Variants in TRHR observed in about 807,000 individuals in gnomAD.
TRHR encodes the protein thyrotropin-releasing hormone receptor.
TRHR carries 14 observed loss-of-function variants against 28.0 expected under a neutral mutation model. That is an observed-to-expected ratio of 0.50 (90% CI 0.33 to 0.78). TRHR has a LOEUF of 0.78. TRHR is among the 30% of genes least tolerant of loss of function. The pLI is 0.02. For synonymous variants in TRHR, 176 were observed against 171.9 expected, an observed-to-expected ratio of 1.02 and a Z score of -0.18; for missense variants, 438 against 469.5, an observed-to-expected ratio of 0.93 and a Z score of 0.62.
At chr8:109,104,104 T>C (rs1203486693) in intron 2 of TRHR, among the ~76,000 whole-genome samples, 1 of 152,162 alleles carries the variant, frequency 6.6e-6, no homozygotes, top group African/African-American at 2.4e-5. Context: ...GATTCCTAAA[T>C]ATAAGCCCAC....
intron 2 of TRHR, among the ~76,000 whole-genome samples, chr8:109,098,232 C>T (rs988887260): frequency 1.3e-5 from 2 of 151,758 alleles, no homozygotes; most frequent in Admixed American, 1.3e-4. Context: ...TGGGCTCAAG[C>T]AATCCTCCCA....
At chr8:109,097,759 C>T (rs1811616462) in intron 2 of TRHR, among the ~76,000 whole-genome samples, 1 of 152,178 alleles carries the variant, frequency 6.6e-6, no homozygotes, top group Non-Finnish European at 1.5e-5. Context: ...CCACCAACAC[C>T]TGCCTTCTCA....
At chr8:109,100,910 T>A (rs530210012) in intron 2 of TRHR, among the ~76,000 whole-genome samples, 1 of 152,162 alleles carries the variant, frequency 6.6e-6, no homozygotes, top group South Asian at 2.1e-4. Context: ...AATCTAGAAA[T>A]AACACAATCA....
At chr8:109,097,991 C>T (rs948498551) in intron 2 of TRHR, among the ~76,000 whole-genome samples, 1 of 152,112 alleles carries the variant, frequency 6.6e-6, no homozygotes, top group African/African-American at 2.4e-5. Flanking sequence ...TCTGAAATTC[C>T]TCCCACATCC....
At chr8:109,116,320 A>G (rs996316106) in intron 2 of TRHR, among the ~76,000 whole-genome samples, 4 of 152,156 alleles carry the variant, frequency 2.6e-5, no homozygotes, top group Non-Finnish European at 4.4e-5. Flanking sequence ...GCCTCATAAA[A>G]TGGATTAGGG....
chr8:109,087,913 A>T lies in TRHR; in HGVS notation c.401A>T (p.Gln134Leu). The T allele has an allele frequency of 6.2e-7, 1 of 1,614,168 alleles. No homozygotes were observed. Among genetic ancestry groups the T allele is most frequent in the South Asian group, 1.1e-5 (1 of 91,070 alleles). ...YIAICHPIKAQFLCTFSRAKK... is the reference protein window; with the variant it reads ...YIAICHPIKALFLCTFSRAKK... ...GCAATCTGTCACCCCATCAAAGCCC[A>T]GTTTCTCTGCACATTTTCCAGAGCC... The change falls in exon 2 of 3, where the codon CAG becomes CTG. Residue 134 changes from glutamine (Q) to leucine (L), a missense_variant. Physicochemically the swap from Gln to Leu is moderately radical, Grantham distance 113. Transcript: ENST00000518632.
In TRHR at chr8:109,119,104, C is replaced by T. The variant is rs1221413236; in HGVS notation, c.846C>T (p.Tyr282=). The change falls in exon 3 of 3, where the codon TAC becomes TAT. Residue 282 remains tyrosine (Y), a synonymous_variant. Coordinates refer to ENST00000518632, the MANE Select transcript of TRHR (RefSeq NM_003301.7). Reference sequence around the variant, plus strand: ...TGTTTGCCCTTTTATGGATGCCCTACAGGACTCTAGTGGTTGTCAACTCAT... The same window carrying T: ...TGTTTGCCCTTTTATGGATGCCCTATAGGACTCTAGTGGTTGTCAACTCAT... ...VILFALLWMP[Y]RTLVVVNSFL... The T allele has an allele frequency of 6.2e-6, 10 of 1,612,750 alleles. No individual in the cohort carries two copies. The highest frequency in any genetic ancestry group is 1.3e-5 in the African/African-American group (1 of 74,742).
At position 109,111,778 on chromosome 8, in the gene TRHR, GT is replaced by G. The variant is rs547330163; in HGVS notation, c.790-7264del. Among the ~76,000 whole-genome samples the G allele has an allele frequency of 2.5e-3, 386 of 152,200 alleles. 1 individual carries two copies. Among genetic ancestry groups the G allele is most frequent in the African/African-American group, 9.0e-3 (372 of 41,526 alleles). On this transcript the variant is annotated intron_variant, in intron 2 of 2. Transcript: ENST00000518632. ...TTTGTGCAGTACAGATGAAGTGAAG[GT>G]TTTTTGTTGATTTACTTTGTGAATG...
rs1351716678 is a variant in TRHR, at chr8:109,109,018, T to C, written c.790-10030T>C. 2.6e-5 allele frequency among the ~76,000 whole-genome samples: 4 copies of C among 152,198 alleles called. No homozygotes were observed. The East Asian group carries it at 5.8e-4, about 22-fold the overall frequency. ...CAAATCTTACCTAGCACACAGCTGT[T>C]TTCCATTCTTCGAAGCAGAACACTG... On this transcript the variant is annotated intron_variant, in intron 2 of 2. Coordinates refer to ENST00000518632, the MANE Select transcript of TRHR (RefSeq NM_003301.7).
chr8:109,101,828 C>T (rs1811681144), intron 2 of TRHR, among the ~76,000 whole-genome samples: 2 of 151,964 alleles, frequency 1.3e-5, no homozygotes, highest in Admixed American at 1.3e-4. Flanking sequence ...TTGAAGACAC[C>T]AGAGTAGATG....
chr8:109,092,515 C>A (rs896744505), intron 2 of TRHR, among the ~76,000 whole-genome samples: 1 of 152,016 alleles, frequency 6.6e-6, no homozygotes, highest in Non-Finnish European at 1.5e-5. Context: ...CAGCTCACTG[C>A]AACCTCTGCC....
chr8:109,093,428 A>T (rs1811543690), intron 2 of TRHR, among the ~76,000 whole-genome samples: 1 of 90,206 alleles, frequency 1.1e-5, no homozygotes, highest in Non-Finnish European at 2.1e-5. Context: ...TTTTTTTGAG[A>T]CAGAGTCTCA....
intron 2 of TRHR, among the ~76,000 whole-genome samples, chr8:109,089,065 G>A (rs745539962): frequency 6.6e-6 from 1 of 152,040 alleles, no homozygotes; most frequent in Non-Finnish European, 1.5e-5. Context: ...TTGAATAGTG[G>A]TTTTACTAGT....
chr8:109,089,217 A>G (rs1283846731), intron 2 of TRHR, among the ~76,000 whole-genome samples: 1 of 151,956 alleles, frequency 6.6e-6, no homozygotes, highest in Non-Finnish European at 1.5e-5. Flanking sequence ...CTTCTTTGTT[A>G]AACATAATGA....
chr8:109,105,563 C>T (rs1811738082), intron 2 of TRHR, among the ~76,000 whole-genome samples: 1 of 152,000 alleles, frequency 6.6e-6, no homozygotes, highest in South Asian at 2.1e-4. Flanking sequence ...AATGGGAAAA[C>T]ATGGAATAAA....
chr8:109,119,155 T>C lies in TRHR; in HGVS notation c.897T>C (p.Asn299=). Residue 299 remains asparagine, a synonymous_variant, in exon 3 of 3, where the codon AAT becomes AAC. Transcript: ENST00000518632. Reference sequence around the variant, plus strand: ...TTCTCTCCAGTCCTTTCCAAGAAAATTGGTTTTTGCTCTTTTGCAGAATTT... The same window carrying C: ...TTCTCTCCAGTCCTTTCCAAGAAAACTGGTTTTTGCTCTTTTGCAGAATTT... ...NSFLSSPFQE[N]WFLLFCRICI... 1 of 1,612,844 alleles carries C rather than the reference T, an allele frequency of 6.2e-7. No homozygotes were observed. The highest frequency in any genetic ancestry group is 1.3e-5 in the African/African-American group (1 of 74,872).
intron 2 of TRHR, among the ~76,000 whole-genome samples, chr8:109,092,763 A>G (rs1016365929): frequency 1.3e-5 from 2 of 152,072 alleles, no homozygotes; most frequent in African/African-American, 4.8e-5. Flanking sequence ...AAAGTAATGC[A>G]CGCCTTTTGC....
chr8:109,112,779 A>G (rs932293434), intron 2 of TRHR, among the ~76,000 whole-genome samples: 2 of 152,200 alleles, frequency 1.3e-5, no homozygotes, highest in Non-Finnish European at 2.9e-5. Context: ...AGCTAGACTC[A>G]GAAAACCTTG....
At chr8:109,116,825 T>C (rs984536395) in intron 2 of TRHR, among the ~76,000 whole-genome samples, 23 of 151,984 alleles carry the variant, frequency 1.5e-4, no homozygotes, top group African/African-American at 5.6e-4. Context: ...TGAAGAAATT[T>C]TCCCATACCC....
Sources: gnomAD v4.1 joint callset for allele counts (sites outside exome capture counted in the v4.1 genomes callset) on GRCh38, gnomAD v4.1.1 for gene constraint, MANE v1.5 for transcripts, NCBI Gene and HGNC (gene_info 2026-07-23, HGNC 2026-07-21) for gene names.